The following DIP2C variants were observed in gnomAD, a reference collection of about 807,000 sequenced individuals.
The protein encoded by DIP2C is disco-interacting protein 2 homolog C.
DIP2C carries 33 observed loss-of-function variants against 192.4 expected under a neutral mutation model. That is an observed-to-expected ratio of 0.17 (90% CI 0.13 to 0.23). The LOEUF (loss-of-function observed/expected upper bound fraction) is 0.23, where lower values mean the gene tolerates loss of function less well. Among genes scored for constraint, DIP2C ranks in the 10% least tolerant of loss-of-function variants. The pLI, the probability that DIP2C is intolerant of heterozygous loss-of-function variation, is 1.00. For missense variants in DIP2C, 1,537 were observed against 2,110.1 expected, an observed-to-expected ratio of 0.73 and a Z score of 5.32; for synonymous variants, 979 against 864.1, an observed-to-expected ratio of 1.13 and a Z score of -2.33.
At chr10:427,099 T>C (rs1966643994) in intron 4 of DIP2C, among the ~76,000 whole-genome samples, 1 of 152,230 alleles carries the variant, frequency 6.6e-6, no homozygotes, top group Non-Finnish European at 1.5e-5. Context: ...CACGTATCTA[T>C]TATCCTACAG....
intron 1 of DIP2C, among the ~76,000 whole-genome samples, chr10:573,633 C>A (rs1849961281): frequency 6.6e-6 from 1 of 152,180 alleles, no homozygotes; most frequent in Non-Finnish European, 1.5e-5. Context: ...TGGTCTCAAG[C>A]TCCCAGGCTC....
chr10:575,483 G>T (rs534362501), intron 1 of DIP2C, among the ~76,000 whole-genome samples: 1 of 152,166 alleles, frequency 6.6e-6, no homozygotes, highest in African/African-American at 2.4e-5. Flanking sequence ...CAAAACAAAC[G>T]CAAAAGTCTC....
intron 1 of DIP2C, among the ~76,000 whole-genome samples, chr10:565,967 A>G (rs1422603389): frequency 6.6e-6 from 1 of 152,180 alleles, no homozygotes; most frequent in African/African-American, 2.4e-5. Flanking sequence ...CTCCTGCTGG[A>G]GGCAGCACCT....
chr10:686,555 C>A (rs1451047057), intron 1 of DIP2C, among the ~76,000 whole-genome samples: 3 of 152,232 alleles, frequency 2.0e-5, no homozygotes, highest in African/African-American at 7.2e-5. Flanking sequence ...AGGAGATGAC[C>A]CCCCTGGCCA....
chr10:583,977 G>C (rs1229108578), intron 1 of DIP2C, among the ~76,000 whole-genome samples: 1 of 152,164 alleles, frequency 6.6e-6, no homozygotes, highest in Non-Finnish European at 1.5e-5. Context: ...AGAGGCGCGG[G>C]GGCCAGGGTG....
At chr10:285,530 T>C (rs947182057) in intron 34 of DIP2C, among the ~76,000 whole-genome samples, 4 of 152,210 alleles carry the variant, frequency 2.6e-5, no homozygotes, top group African/African-American at 9.6e-5. Context: ...GCTCCAGACA[T>C]GCTCTTCTCC....
intron 1 of DIP2C, among the ~76,000 whole-genome samples, chr10:585,843 G>A (rs1850991046): frequency 2.0e-5 from 3 of 152,172 alleles, no homozygotes; most frequent in African/African-American, 7.2e-5. Flanking sequence ...AAAACACCAG[G>A]CCATTCAAGA....
chr10:594,020 G>C (rs1851555804), intron 1 of DIP2C, among the ~76,000 whole-genome samples: 1 of 152,194 alleles, frequency 6.6e-6, no homozygotes, highest in South Asian at 2.1e-4. Flanking sequence ...AACCAATTCA[G>C]GGTGTGTTCA....
In DIP2C at chr10:681,911, C is replaced by T. The variant is rs570588199; in HGVS notation, c.85+7583G>A. ...TGCCTGTGGAGGGCCCCCCAACACTCACCGTGTATCTCCTAGGAGCAGAGG... is the reference window on the plus strand; with the variant it reads ...TGCCTGTGGAGGGCCCCCCAACACTTACCGTGTATCTCCTAGGAGCAGAGG... On this transcript the variant is annotated intron_variant, in intron 1 of 36. Transcript: ENST00000280886. 1.8e-4 allele frequency among the ~76,000 whole-genome samples: 27 copies of T among 152,358 alleles called. No individual in the cohort carries two copies. In the Middle Eastern group the frequency reaches 0.014, roughly 77 times the overall value.
chr10:520,836 T>C (rs902955718), intron 1 of DIP2C, among the ~76,000 whole-genome samples: 3 of 152,244 alleles, frequency 2.0e-5, no homozygotes, highest in Non-Finnish European at 2.9e-5. Context: ...GTTTAATATG[T>C]TGCCTCCATC....
At chr10:425,289 CACGG>C in intron 4 of DIP2C, among the ~76,000 whole-genome samples, 1 of 67,304 alleles carries the variant, frequency 1.5e-5, no homozygotes, top group African/African-American at 5.6e-5. Flanking sequence ...ACTAATATGA[CACGG>C]ATGATACAGC....
At chr10:315,582 T>TA (rs1181718544) in intron 31 of DIP2C, among the ~76,000 whole-genome samples, 22 of 152,182 alleles carry the variant, frequency 1.4e-4, no homozygotes, top group African/African-American at 5.1e-4. Context: ...TCCCCCTACT[T>TA]AGTTTTATTT....
At chr10:544,792 CTGAG>C (rs371576907) in intron 1 of DIP2C, among the ~76,000 whole-genome samples, 208 of 152,266 alleles carry the variant, frequency 1.4e-3, no homozygotes, top group South Asian at 8.9e-3. Context: ...CTTTTCATTG[CTGAG>C]TAAGTTTTTA....
chr10:619,260 A>G (rs897556086), intron 1 of DIP2C, among the ~76,000 whole-genome samples: 5 of 152,114 alleles, frequency 3.3e-5, no homozygotes, highest in African/African-American at 1.2e-4. Flanking sequence ...ATCACCCCAA[A>G]CTTAGTGCCC....
At chr10:554,874 C>G (rs1035452993) in intron 1 of DIP2C, among the ~76,000 whole-genome samples, 1 of 132,498 alleles carries the variant, frequency 7.5e-6, no homozygotes, top group Admixed American at 6.8e-5. Context: ...CAGGTGTGCC[C>G]GAGACAGAGG....
intron 1 of DIP2C, among the ~76,000 whole-genome samples, chr10:570,605 C>A (rs1419458556): frequency 6.6e-6 from 1 of 152,214 alleles, no homozygotes; most frequent in Non-Finnish European, 1.5e-5. Flanking sequence ...TCTCAAACCT[C>A]CCCTACCACC....
At chr10:662,297 C>T (rs866346311) in intron 1 of DIP2C, among the ~76,000 whole-genome samples, 1 of 152,246 alleles carries the variant, frequency 6.6e-6, no homozygotes, top group African/African-American at 2.4e-5. Flanking sequence ...AGTGAATACG[C>T]ACTTGGAGAA....
chr10:669,889 C>G (rs1857337049), intron 1 of DIP2C, among the ~76,000 whole-genome samples: 1 of 152,222 alleles, frequency 6.6e-6, no homozygotes, highest in African/African-American at 2.4e-5. Context: ...CAGTACAGAA[C>G]ACTATCTTTG....
rs1291037106 is a variant in DIP2C at position 586,999 on chromosome 10, GGT to G, written c.86-100471_86-100470del. On this transcript the variant is annotated intron_variant, in intron 1 of 36. Transcript: ENST00000280886. Reference sequence around the variant, plus strand: ...CGGGTCCCCACTGACAGCATGGCGAGGTGCAAACAGTGCAGGGTCTAAGGCCG... The same window carrying G: ...CGGGTCCCCACTGACAGCATGGCGAGGCAAACAGTGCAGGGTCTAAGGCCG... Among the ~76,000 whole-genome samples, 50 of 152,012 alleles carry G rather than the reference GGT, an allele frequency of 3.3e-4. No homozygotes were observed. In the East Asian group the frequency reaches 8.9e-3, roughly 27 times the overall value.
Sources: gnomAD v4.1 joint callset for allele counts (sites outside exome capture counted in the v4.1 genomes callset) on GRCh38, gnomAD v4.1.1 for gene constraint, MANE v1.5 for transcripts, NCBI Gene and HGNC (gene_info 2026-07-23, HGNC 2026-07-21) for gene names.